Variants in CFAP53 observed in about 807,000 individuals in gnomAD.
CFAP53 encodes cilia and flagella associated protein 53, also known as cilia- and flagella-associated protein 53.
In CFAP53, 62 loss-of-function variants were observed where a neutral mutation model predicts 59.7. The ratio of observed to expected loss-of-function variants is 1.04; its 90% CI spans 0.85 to 1.28. The LOEUF is 1.28. CFAP53 is among the 50% of genes most tolerant of loss of function. CFAP53 has a pLI of 0.00. For missense variants in CFAP53, 629 were observed against 615.6 expected (o/e 1.02, Z -0.23); for synonymous variants, 218 against 205.7 (o/e 1.06, Z -0.51).
At chr18:50,230,100 A>G (rs752862052) in intron 7 of CFAP53, among the ~76,000 whole-genome samples, 1 of 152,118 alleles carries the variant, frequency 6.6e-6, no homozygotes, top group African/African-American at 2.4e-5. Context: ...CACATTTTTA[A>G]TATCAGCTGT....
chr18:50,262,692 T>G (rs2033905994), intron 1 of CFAP53, among the ~76,000 whole-genome samples: 1 of 152,190 alleles, frequency 6.6e-6, no homozygotes, highest in African/African-American at 2.4e-5. Context: ...AAGGTGCTAC[T>G]ATGCGAATAT....
chr18:50,245,057 T>A (rs2033729699), intron 5 of CFAP53, among the ~76,000 whole-genome samples: 1 of 44,318 alleles, frequency 2.3e-5, no homozygotes. Context: ...AATGAGACTC[T>A]ATCTCAAAAA....
chr18:50,266,260 A>T (rs2033972944), intron 1 of CFAP53, 76 bp downstream of exon 1: 1 of 1,433,456 alleles, frequency 7.0e-7, no homozygotes, highest in African/African-American at 1.4e-5. Flanking sequence ...GTGGGGGCCG[A>T]AGTGGGATAG....
At chr18:50,258,805 G>A (rs1200326764) in intron 3 of CFAP53, among the ~76,000 whole-genome samples, 1 of 152,136 alleles carries the variant, frequency 6.6e-6, no homozygotes, top group African/African-American at 2.4e-5. Flanking sequence ...GATTTCAACA[G>A]ACATTTCTCA....
intron 6 of CFAP53, among the ~76,000 whole-genome samples, chr18:50,240,427 G>C (rs1313146569): frequency 6.6e-6 from 1 of 152,084 alleles, no homozygotes; most frequent in African/African-American, 2.4e-5. Context: ...CTTTAAATTA[G>C]CCAATCAGAA....
At chr18:50,265,228 CAT>C (rs2033934002) in intron 1 of CFAP53, among the ~76,000 whole-genome samples, 1 of 152,150 alleles carries the variant, frequency 6.6e-6, no homozygotes, top group Admixed American at 6.5e-5. Context: ...TGAGCACCCA[CAT>C]GATGACATAA....
At chr18:50,236,098 T>A (rs1285401070) in intron 7 of CFAP53, among the ~76,000 whole-genome samples, 1 of 152,166 alleles carries the variant, frequency 6.6e-6, no homozygotes, top group Non-Finnish European at 1.5e-5. Flanking sequence ...CTCACAAACT[T>A]CTGCTTAACA....
chr18:50,244,440 GT>G (rs1377693166), intron 5 of CFAP53, among the ~76,000 whole-genome samples: 6 of 152,168 alleles, frequency 3.9e-5, no homozygotes, highest in Non-Finnish European at 8.8e-5. Flanking sequence ...CCCCAGCCAT[GT>G]GAAACTGTGA....
intron 5 of CFAP53, among the ~76,000 whole-genome samples, chr18:50,246,259 C>T (rs2033743301): frequency 6.6e-6 from 1 of 152,186 alleles, no homozygotes. Flanking sequence ...ATTTGTTATA[C>T]TGGACTAAGG....
intron 6 of CFAP53, among the ~76,000 whole-genome samples, chr18:50,239,687 C>T (rs2144409030): frequency 6.6e-6 from 1 of 152,142 alleles, no homozygotes; most frequent in East Asian, 1.9e-4. Context: ...GCAGTCATTA[C>T]AAATCTTATA....
intron 3 of CFAP53, among the ~76,000 whole-genome samples, chr18:50,252,008 T>G (rs549600037): frequency 1.3e-5 from 2 of 152,302 alleles, no homozygotes; most frequent in Admixed American, 1.3e-4. Flanking sequence ...CTGACTCCAT[T>G]TCCTGTGTGA....
intron 2 of CFAP53, among the ~76,000 whole-genome samples, chr18:50,261,732 C>A (rs570449153): frequency 6.6e-6 from 1 of 151,876 alleles, no homozygotes; most frequent in East Asian, 1.9e-4. Context: ...AAATAAGATA[C>A]GAAATATATA....
chr18:50,238,085 A>G (rs2033655149), intron 7 of CFAP53, among the ~76,000 whole-genome samples: 1 of 152,230 alleles, frequency 6.6e-6, no homozygotes, highest in Admixed American at 6.5e-5. Context: ...GTATAATCAT[A>G]ATATACATAA....
At chr18:50,259,386 T>C (rs2033871492) in intron 3 of CFAP53, among the ~76,000 whole-genome samples, 1 of 142,610 alleles carries the variant, frequency 7.0e-6, no homozygotes, top group African/African-American at 2.7e-5. Context: ...CACTAGTTTG[T>C]GGGATCTAAA....
chr18:50,233,734 A>G (rs1439741781), intron 7 of CFAP53, among the ~76,000 whole-genome samples: 1 of 152,236 alleles, frequency 6.6e-6, no homozygotes, highest in African/African-American at 2.4e-5. Context: ...TGCTAACATA[A>G]CACACAGCAC....
chr18:50,235,305 C>T (rs2033622796), intron 7 of CFAP53, among the ~76,000 whole-genome samples: 1 of 152,174 alleles, frequency 6.6e-6, no homozygotes, highest in Non-Finnish European at 1.5e-5. Flanking sequence ...GTGGCTCACA[C>T]CTGTAATCCC....
chr18:50,266,267 A>G (rs1043436422), intron 1 of CFAP53, 69 bp downstream of exon 1: 49 of 1,487,900 alleles, frequency 3.3e-5, no homozygotes, highest in Non-Finnish European at 4.3e-5. Context: ...CCGAAGTGGG[A>G]TAGGCCAGGC....
intron 5 of CFAP53, among the ~76,000 whole-genome samples, chr18:50,245,307 A>G (rs915141768): frequency 2.0e-5 from 3 of 148,508 alleles, no homozygotes; most frequent in African/African-American, 4.9e-5. Context: ...GCGTGAACCC[A>G]GGAAGCGGAG....
chr18:50,230,764 G>A (rs2033575554), intron 7 of CFAP53, among the ~76,000 whole-genome samples: 3 of 152,222 alleles, frequency 2.0e-5, no homozygotes, highest in African/African-American at 7.2e-5. Flanking sequence ...TGGACACCCA[G>A]TTGGGGTCTG....
Sources: gnomAD v4.1 joint callset for allele counts (sites outside exome capture counted in the v4.1 genomes callset) on GRCh38, gnomAD v4.1.1 for gene constraint, MANE v1.5 for transcripts, NCBI Gene and HGNC (gene_info 2026-07-23, HGNC 2026-07-21) for gene names.